Variants in CNTN6 observed in about 807,000 individuals in gnomAD.
The protein encoded by CNTN6 is contactin 6.
In CNTN6, 137 loss-of-function variants were observed where a neutral mutation model predicts 122.8. That is an observed-to-expected ratio of 1.12 (90% CI 0.97 to 1.29). The LOEUF is 1.29. CNTN6 is among the 50% of genes most tolerant of loss of function. CNTN6 has a pLI of 0.00. For synonymous variants in CNTN6, 570 were observed against 426.0 expected, an observed-to-expected ratio of 1.34 and a Z score of -4.16; for missense variants, 1,634 against 1,223.4, an observed-to-expected ratio of 1.34 and a Z score of -5.01.
chr3:1,343,648 G>C (rs1704214758), intron 11 of CNTN6, among the ~76,000 whole-genome samples: 1 of 152,024 alleles, frequency 6.6e-6, no homozygotes, highest in African/African-American at 2.4e-5. Flanking sequence ...GCTTCTTGGA[G>C]AATATAAACA....
chr3:1,328,603 T>G (rs1701853052), intron 10 of CNTN6, among the ~76,000 whole-genome samples: 1 of 151,816 alleles, frequency 6.6e-6, no homozygotes, highest in Non-Finnish European at 1.5e-5. Flanking sequence ...TTCTTATGGC[T>G]AAGAATTGAG....
intron 7 of CNTN6, among the ~76,000 whole-genome samples, chr3:1,319,199 A>G (rs550345349): frequency 6.6e-6 from 1 of 151,670 alleles, no homozygotes; most frequent in African/African-American, 2.4e-5. Flanking sequence ...AAGTAATCCT[A>G]CTTTTGCCAT....
At chr3:1,364,618 G>T (rs1254359633) in intron 12 of CNTN6, among the ~76,000 whole-genome samples, 1 of 151,874 alleles carries the variant, frequency 6.6e-6, no homozygotes, top group Non-Finnish European at 1.5e-5. Flanking sequence ...ATCATGAAAG[G>T]TAAGAGTGTA....
At chr3:1,355,229 CCACACAAAT>C (rs1706359126) in intron 12 of CNTN6, among the ~76,000 whole-genome samples, 1 of 151,548 alleles carries the variant, frequency 6.6e-6, no homozygotes, top group African/African-American at 2.4e-5. Context: ...ACATACTTAA[CCACACAAAT>C]ACATATAAAT....
At chr3:1,381,480 C>T (rs1020980986) in intron 17 of CNTN6, among the ~76,000 whole-genome samples, 22 of 151,908 alleles carry the variant, frequency 1.4e-4, no homozygotes, top group African/African-American at 5.3e-4. Flanking sequence ...GTAATGAGGA[C>T]AGGAAAAAAG....
chr3:1,176,785 G>A (rs2093459103), intron 2 of CNTN6, among the ~76,000 whole-genome samples: 1 of 152,136 alleles, frequency 6.6e-6, no homozygotes, highest in South Asian at 2.1e-4. Flanking sequence ...ATAGATAGAT[G>A]TTTAGCTGTG....
chr3:1,362,223 A>T (rs904735470), intron 12 of CNTN6, among the ~76,000 whole-genome samples: 1 of 152,116 alleles, frequency 6.6e-6, no homozygotes, highest in Non-Finnish European at 1.5e-5. Flanking sequence ...CGGTACAAAT[A>T]TAACACTATA....
intron 2 of CNTN6, among the ~76,000 whole-genome samples, chr3:1,190,454 T>A (rs2093685660): frequency 6.6e-6 from 1 of 152,196 alleles, no homozygotes; most frequent in South Asian, 2.1e-4. Flanking sequence ...CGCCTTGCTT[T>A]TTGTATCATC....
intron 7 of CNTN6, among the ~76,000 whole-genome samples, chr3:1,304,869 C>T (rs1443524158): frequency 2.6e-5 from 4 of 151,002 alleles, no homozygotes; most frequent in Non-Finnish European, 4.4e-5. Context: ...TGGCAGACAC[C>T]TGTAATCCCA....
intron 12 of CNTN6, among the ~76,000 whole-genome samples, chr3:1,366,255 T>C (rs951498840): frequency 6.6e-6 from 1 of 152,190 alleles, no homozygotes; most frequent in African/African-American, 2.4e-5. Flanking sequence ...ACCCTTTGTT[T>C]TGTTTGAAAA....
chr3:1,402,752 C>T (rs542508484), intron 22 of CNTN6: 19 of 315,592 alleles, frequency 6.0e-5, no homozygotes, highest in African/African-American at 3.9e-4. Context: ...AATTGTATCA[C>T]TCATTCTATT....
chr3:1,310,648 C>T (rs1018229020), intron 7 of CNTN6, among the ~76,000 whole-genome samples: 7 of 152,226 alleles, frequency 4.6e-5, no homozygotes, highest in African/African-American at 1.7e-4. Context: ...TAAAAATATT[C>T]TCTCTGCTTC....
chr3:1,290,725 A>G (rs950354208), intron 5 of CNTN6, among the ~76,000 whole-genome samples: 1 of 152,168 alleles, frequency 6.6e-6, no homozygotes, highest in Admixed American at 6.5e-5. Context: ...GTGCAAAATA[A>G]TCATTATATA....
chr3:1,097,619 T>C (rs548243241), intron 1 of CNTN6, among the ~76,000 whole-genome samples: 4 of 152,298 alleles, frequency 2.6e-5, no homozygotes, highest in East Asian at 3.9e-4. Context: ...AATAGCTCTG[T>C]GGTCTTAGGC....
At position 1,385,601 on chromosome 3, in the gene CNTN6, T is replaced by C; in HGVS notation, c.2518-10T>C. 6.3e-7 allele frequency: 1 copy of C among 1,575,874 alleles called. No homozygotes were observed. Among genetic ancestry groups the C allele is most frequent in the Non-Finnish European group, 8.6e-7 (1 of 1,164,942 alleles). ...ACAATAAATTGCTTGTTTTGGTTTT[T>C]AATTATCAGGTCTTATACTGGACAG... On this transcript the variant is annotated splice_polypyrimidine_tract_variant and intron_variant, in intron 19 of 22. Coordinates refer to ENST00000446702, the MANE Select transcript of CNTN6 (RefSeq NM_001289080.2).
intron 2 of CNTN6, among the ~76,000 whole-genome samples, chr3:1,201,635 A>G (rs2093874082): frequency 6.6e-6 from 1 of 152,200 alleles, no homozygotes; most frequent in South Asian, 2.1e-4. Context: ...ACTTCTAGAA[A>G]AGTTTGCTAA....
intron 12 of CNTN6, among the ~76,000 whole-genome samples, chr3:1,364,161 G>A (rs891755294): frequency 1.3e-5 from 2 of 151,912 alleles, no homozygotes; most frequent in Non-Finnish European, 2.9e-5. Context: ...TTAATATGTA[G>A]CGTAATTTGA....
chr3:1,274,859 A>G (rs756126973), intron 4 of CNTN6, among the ~76,000 whole-genome samples: 4 of 152,128 alleles, frequency 2.6e-5, no homozygotes, highest in Non-Finnish European at 4.4e-5. Flanking sequence ...GGCTTCAGTC[A>G]AGACACTTTA....
intron 4 of CNTN6, among the ~76,000 whole-genome samples, chr3:1,266,304 C>T (rs2094925548): frequency 6.6e-6 from 1 of 152,118 alleles, no homozygotes. Context: ...CCGATTGCAG[C>T]TGTGATTCCA....
Sources: allele counts gnomAD v4.1 joint callset (sites outside exome capture counted in the v4.1 genomes callset), GRCh38; gene constraint gnomAD v4.1.1; transcripts MANE v1.5; gene names NCBI Gene and HGNC (gene_info 2026-07-23, HGNC 2026-07-21).